SPTBN1: variants seen among roughly 807,000 people sequenced by gnomAD.
The protein encoded by SPTBN1 is spectrin beta, non-erythrocytic 1, also known as spectrin beta chain, non-erythrocytic 1.
In SPTBN1, 32 loss-of-function variants were observed where a neutral mutation model predicts 266.4. The ratio of observed to expected loss-of-function variants is 0.12; its 90% confidence interval spans 0.09 to 0.16. The LOEUF is 0.16. Ranked by LOEUF, SPTBN1 falls within the 10% of genes least tolerant of loss-of-function variation. The pLI, the probability that SPTBN1 is intolerant of heterozygous loss-of-function variation, is 1.00. For synonymous variants in SPTBN1, 1,336 were observed against 1,162.2 expected (o/e 1.15, Z -3.04); for missense variants, 2,296 against 3,067.1 (o/e 0.75, Z 5.94).
chr2:54,617,004 C>T (rs1259304057), intron 5 of SPTBN1, among the ~76,000 whole-genome samples: 1 of 152,078 alleles, frequency 6.6e-6, no homozygotes, highest in Non-Finnish European at 1.5e-5. Flanking sequence ...AGCTTATGGC[C>T]TAATAAAAGG....
intron 1 of SPTBN1, 85 bp from the exon 2 acceptor site, chr2:54,526,287 T>A: frequency 8.9e-7 from 1 of 1,121,908 alleles, no homozygotes; most frequent in Non-Finnish European, 1.2e-6. Context: ...CTGTTTTTAT[T>A]TTCTGCTCAC....
In SPTBN1 at chr2:54,639,868, C is replaced by T. The variant is rs370661413; in HGVS notation, c.3858+2065C>T. On this transcript the variant is annotated intron_variant, in intron 18 of 35. Coordinates refer to ENST00000356805, the MANE Select transcript of SPTBN1 (RefSeq NM_003128.3). ...AAAGTTTGGGTGGGGCTTTTTATGT[C>T]CAGGAGATGATTTGCAGATCTCTGT... is the stretch of plus-strand genomic sequence containing the variant. Among the ~76,000 whole-genome samples the T allele has an allele frequency of 1.2e-3, 189 of 152,250 alleles. 4 individuals are homozygous for T. In the South Asian group the frequency reaches 0.035, roughly 28 times the overall value.
At chr2:54,587,920 C>T (rs1056470196) in intron 2 of SPTBN1, among the ~76,000 whole-genome samples, 1 of 152,194 alleles carries the variant, frequency 6.6e-6, no homozygotes, top group Non-Finnish European at 1.5e-5. Flanking sequence ...CTTGTGGCTA[C>T]TGAGCATTAA....
intron 11 of SPTBN1, among the ~76,000 whole-genome samples, chr2:54,625,350 C>T (rs1047992342): frequency 1.3e-5 from 2 of 152,134 alleles, no homozygotes; most frequent in African/African-American, 4.8e-5. Flanking sequence ...CATAAGCTAT[C>T]ACCTGCTCTA....
chr2:54,603,577 G>T (rs1032147202), intron 3 of SPTBN1, among the ~76,000 whole-genome samples: 2 of 152,264 alleles, frequency 1.3e-5, no homozygotes, highest in East Asian at 3.9e-4. Context: ...TCCCAGCTGG[G>T]AACAAGACAG....
intron 35 of SPTBN1, 59 bp from the exon 36 acceptor site, chr2:54,668,292 C>A (rs547939985): frequency 4.9e-4 from 765 of 1,560,404 alleles, no homozygotes; most frequent in Non-Finnish European, 5.4e-4. Context: ...AGCCTTGGAG[C>A]CAGAACCCCT....
In SPTBN1 at chr2:54,559,308, C is replaced by CAAT. The variant is rs535935399; in HGVS notation, c.148+32744_148+32746dup. Among the ~76,000 whole-genome samples, 10 of 152,250 alleles carry CAAT rather than the reference C, an allele frequency of 6.6e-5. No homozygotes were observed. In the South Asian group the frequency reaches 1.9e-3, roughly 28 times the overall value. ...CGTGCTCAGACCCAGTCCTGTAGAA[C>CAAT]AATAGCAAAGGGGAGGAGGGAGGGG... On this transcript the variant is annotated intron_variant, in intron 2 of 35. Transcript: ENST00000356805.
chr2:54,650,495 C>T (rs892035063), intron 26 of SPTBN1, among the ~76,000 whole-genome samples: 1 of 152,178 alleles, frequency 6.6e-6, no homozygotes, highest in Non-Finnish European at 1.5e-5. Context: ...TAATCACTCT[C>T]TAGTTTCCTT....
intron 2 of SPTBN1, among the ~76,000 whole-genome samples, chr2:54,560,416 G>C (rs1673218879): frequency 6.6e-6 from 1 of 152,240 alleles, no homozygotes; most frequent in Middle Eastern, 3.4e-3. Flanking sequence ...TGAGGGAGGA[G>C]TGCACCCCTA....
At chr2:54,485,730 C>T (rs1352375595) in intron 1 of SPTBN1, among the ~76,000 whole-genome samples, 3 of 151,142 alleles carry the variant, frequency 2.0e-5, no homozygotes, top group Non-Finnish European at 3.0e-5. Context: ...GGCCGCCATC[C>T]CATCTAGGAA....
At chr2:54,612,452 C>T (rs1677279282) in intron 4 of SPTBN1, 118 bp downstream of exon 4, 1 of 1,209,766 alleles carries the variant, frequency 8.3e-7, no homozygotes, top group Non-Finnish European at 1.1e-6. Flanking sequence ...GAAAGCATGT[C>T]TCAGAGTCAT....
intron 1 of SPTBN1, among the ~76,000 whole-genome samples, chr2:54,481,427 TGTGTGTGTG>T (rs1668097307): frequency 1.1e-5 from 1 of 94,574 alleles, no homozygotes; most frequent in Non-Finnish European, 2.3e-5. Context: ...TGTGTGTGTG[TGTGTGTGTG>T]TGTGTTTTGT....
intron 6 of SPTBN1, 54 bp from the exon 7 acceptor site, chr2:54,618,024 C>A: frequency 7.2e-7 from 1 of 1,385,384 alleles, no homozygotes; most frequent in Non-Finnish European, 1.0e-6. Context: ...TTTCATTAGT[C>A]ATATTTCTTT....
At chr2:54,656,270 C>T (rs898807590) in intron 29 of SPTBN1, among the ~76,000 whole-genome samples, 1 of 152,124 alleles carries the variant, frequency 6.6e-6, no homozygotes, top group Admixed American at 6.5e-5. Context: ...TGGGAGAATA[C>T]AGATAGAAGC....
intron 4 of SPTBN1, among the ~76,000 whole-genome samples, chr2:54,615,275 G>A (rs1677523178): frequency 6.6e-6 from 1 of 152,074 alleles, no homozygotes; most frequent in African/African-American, 2.4e-5. Context: ...TTTGTAGATT[G>A]AATGGAGTGA....
Position 54,626,028 on chromosome 2 carries a change from G to A in SPTBN1, c.1438G>A (p.Ala480Thr). The change falls in exon 12 of 36, where the codon GCT (alanine) becomes ACT (threonine). Residue 480 changes from alanine (A) to threonine (T), a missense_variant. Physicochemically the swap from Ala to Thr is moderately conservative, Grantham distance 58. Around this residue, in one of 12 missense-constraint regions of SPTBN1, gnomAD observed 434 missense variants for 573.9 expected, o/e 0.76. Coordinates refer to ENST00000356805, the MANE Select transcript of SPTBN1 (RefSeq NM_003128.3). The surrounding 1 kb of genome is among the most constrained non-coding windows in gnomAD (Gnocchi z 4.7). ...TGCCGCATACGAGGAGCGTGTGCAG[G>A]CTGTGGTAGCCGTGGCCAGGGAGCT... is the stretch of plus-strand genomic sequence containing the variant. ...DIAAYEERVQAVVAVARELEA... is the reference protein window; with the variant it reads ...DIAAYEERVQTVVAVARELEA... The A allele has an allele frequency of 6.2e-7, 1 of 1,614,196 alleles. No individual in the cohort carries two copies. The highest frequency in any genetic ancestry group is 8.5e-7 in the Non-Finnish European group (1 of 1,180,038).
rs150253596 is a variant in SPTBN1, at chr2:54,568,923, A to G, written c.149-30169A>G. On this transcript the variant is annotated intron_variant, in intron 2 of 35. Coordinates refer to ENST00000356805, the MANE Select transcript of SPTBN1 (RefSeq NM_003128.3). Reference sequence around the variant, plus strand: ...TAGTAGAATGATCCTATATTAAATGAACGTTCCTGTTCTTGCAGTTGGTTA... The same window carrying G: ...TAGTAGAATGATCCTATATTAAATGGACGTTCCTGTTCTTGCAGTTGGTTA... Among the ~76,000 whole-genome samples, 3 of 152,356 alleles carry G rather than the reference A, an allele frequency of 2.0e-5. No homozygotes were observed. The East Asian group carries it at 5.8e-4, about 29-fold the overall frequency.
intron 4 of SPTBN1, among the ~76,000 whole-genome samples, chr2:54,613,669 A>G (rs1270972970): frequency 1.3e-5 from 2 of 152,254 alleles, no homozygotes; most frequent in Non-Finnish European, 2.9e-5. Context: ...AGATGGTACA[A>G]CATCATTAAA....
At chr2:54,635,532 G>A (rs192073444) in intron 17 of SPTBN1, among the ~76,000 whole-genome samples, 2 of 152,356 alleles carry the variant, frequency 1.3e-5, no homozygotes, top group East Asian at 3.9e-4. Context: ...ATGCATGAGA[G>A]TTGATTATAT....
Sources: allele counts gnomAD v4.1 joint callset (sites outside exome capture counted in the v4.1 genomes callset), GRCh38; gene constraint gnomAD v4.1.1; regional missense constraint gnomAD v4.1.1; non-coding constraint Gnocchi (gnomAD v3.1); transcripts MANE v1.5; gene names NCBI Gene and HGNC (gene_info 2026-07-23, HGNC 2026-07-21).